RXRA: variants seen among roughly 807,000 people sequenced by gnomAD.
RXRA encodes the protein retinoic acid receptor RXR-alpha.
Under a neutral mutation model 44.5 loss-of-function variants are expected in RXRA, and 5 were observed. The observed-to-expected ratio is 0.11, with a 90% CI of 0.06 to 0.24. The LOEUF (loss-of-function observed/expected upper bound fraction) is 0.24, where lower values mean the gene tolerates loss of function less well. RXRA is among the 10% of genes least tolerant of loss of function. RXRA has a pLI of 1.00. For missense variants in RXRA, 412 were observed against 646.5 expected (o/e 0.64, Z 3.93); for synonymous variants, 291 against 271.4 (o/e 1.07, Z -0.71).
chr9:134,382,433 G>A (rs920332254), intron 1 of RXRA, among the ~76,000 whole-genome samples: 2 of 152,136 alleles, frequency 1.3e-5, no homozygotes, highest in East Asian at 1.9e-4. Context: ...GGGCTGGGGC[G>A]GGGCCAGGGC....
intron 1 of RXRA, among the ~76,000 whole-genome samples, chr9:134,381,423 TCTAA>T (rs1336380692): frequency 6.6e-6 from 1 of 152,086 alleles, no homozygotes; most frequent in African/African-American, 2.4e-5. Context: ...TGTTGGATCT[TCTAA>T]CTGTCTGAGC....
In RXRA at chr9:134,349,249, C is replaced by T. The variant is rs1175349448; in HGVS notation, c.28+22590C>T. Among the ~76,000 whole-genome samples, 1 of 151,988 alleles carries T rather than the reference C, an allele frequency of 6.6e-6. No homozygotes were observed. The highest frequency in any genetic ancestry group is 1.5e-5 in the Non-Finnish European group (1 of 68,036). ...CCAGCCTGGCCCCGAGCTCCCACTTCCTCATGCTGGGCACATGGGGAGCCC... is the reference window on the plus strand; with the variant it reads ...CCAGCCTGGCCCCGAGCTCCCACTTTCTCATGCTGGGCACATGGGGAGCCC... On this transcript the variant is annotated intron_variant, in intron 1 of 9. Coordinates refer to ENST00000481739, the MANE Select transcript of RXRA (RefSeq NM_002957.6). The surrounding 1 kb of genome is among the most constrained non-coding windows in gnomAD (Gnocchi z 4.3).
At chr9:134,346,536 T>C (rs1830154751) in intron 1 of RXRA, among the ~76,000 whole-genome samples, 1 of 152,144 alleles carries the variant, frequency 6.6e-6, no homozygotes, top group African/African-American at 2.4e-5. Context: ...TTGGGGGCTC[T>C]CGTTAATCTT....
At chr9:134,372,280 T>TGG (rs1359601848) in intron 1 of RXRA, 2 of 152,106 alleles carry the variant, frequency 1.3e-5, no homozygotes, top group Non-Finnish European at 2.9e-5. Context: ...ACGCGCCCAC[T>TGG]GGGGAGGTGG....
intron 6 of RXRA, chr9:134,422,197 C>G: frequency 7.8e-7 from 1 of 1,285,830 alleles, no homozygotes; most frequent in Non-Finnish European, 1.0e-6. Context: ...CTTCCCCCTC[C>G]AGGGACACAC....
chr9:134,379,658 C>T (rs1267056389), intron 1 of RXRA: 3 of 985,234 alleles, frequency 3.0e-6, no homozygotes, highest in East Asian at 1.1e-4. Flanking sequence ...CCCCACCCTG[C>T]GGTCCTGGGA....
Position 134,438,007 on chromosome 9 carries a change from C to T in RXRA, c.*1393C>T, listed in dbSNP as rs35027349. The T allele has an allele frequency of 0.01, 1,582 of 152,730 alleles. 14 individuals are homozygous for T. The highest frequency in any genetic ancestry group is 0.03 in the Middle Eastern group (9 of 296). The allele number at this position is 152,730 out of a possible 1,614,324, so 9.5% of individuals were successfully genotyped here. On this transcript the variant is annotated 3_prime_UTR_variant, in exon 10 of 10. Coordinates refer to ENST00000481739, the MANE Select transcript of RXRA (RefSeq NM_002957.6). Reference sequence around the variant, plus strand: ...TCCCGCAGGCTCTGCCCCCGGGCTCCGGTGGTGCGGGGCCCTCTCAGGTTG... The same window carrying T: ...TCCCGCAGGCTCTGCCCCCGGGCTCTGGTGGTGCGGGGCCCTCTCAGGTTG...
At chr9:134,396,553 G>A (rs901906605) in intron 1 of RXRA, among the ~76,000 whole-genome samples, 4 of 152,060 alleles carry the variant, frequency 2.6e-5, no homozygotes, top group Admixed American at 1.3e-4. Flanking sequence ...TTGCAGGGAC[G>A]TTGCAGGGAC....
chr9:134,434,282 A>G, intron 9 of RXRA, 75 bp downstream of exon 9: 2 of 1,086,876 alleles, frequency 1.8e-6, no homozygotes, highest in Non-Finnish European at 2.8e-6. Flanking sequence ...CTGCAAGGCC[A>G]TTTTATGTGA....
At chr9:134,326,764 C>T (rs1248187839) in intron 1 of RXRA, 105 bp downstream of exon 1, 1 of 224,380 alleles carries the variant, frequency 4.5e-6, no homozygotes, top group Non-Finnish European at 7.2e-6. Context: ...GTCGCCGGCC[C>T]GGGCCCCGCT....
chr9:134,416,263 G>A (rs1588298953), intron 4 of RXRA, among the ~76,000 whole-genome samples: 1 of 152,326 alleles, frequency 6.6e-6, no homozygotes, highest in East Asian at 1.9e-4. Context: ...AGCTGGGGGC[G>A]GGAGGAGCCT....
At chr9:134,327,424 C>G (rs952913443) in intron 1 of RXRA, among the ~76,000 whole-genome samples, 37 of 152,150 alleles carry the variant, frequency 2.4e-4, no homozygotes, top group Non-Finnish European at 4.1e-4. Context: ...CCAGACCTAC[C>G]GAGAAGGGGG....
At chr9:134,428,634 C>T (rs918528210) in intron 6 of RXRA, among the ~76,000 whole-genome samples, 16 of 152,172 alleles carry the variant, frequency 1.1e-4, no homozygotes, top group African/African-American at 3.4e-4. Context: ...GGAATCCCCC[C>T]GAAAGAGGCT....
rs539946932 is a variant in RXRA, at chr9:134,342,115, C to T, written c.28+15456C>T. ...GAGGCGTCTCCCTGAAGGCGCTCTG[C>T]TGGGCCCGGGGTGGGGGCTCTCGTG... On this transcript the variant is annotated intron_variant, in intron 1 of 9. Coordinates refer to ENST00000481739, the MANE Select transcript of RXRA (RefSeq NM_002957.6). This position sits in a 1 kb window ranked among gnomAD's most constrained non-coding sequence, Gnocchi z 4.4. 1.3e-5 allele frequency among the ~76,000 whole-genome samples: 2 copies of T among 152,282 alleles called. No individual in the cohort carries two copies. Among genetic ancestry groups the T allele is most frequent in the Admixed American group, 1.3e-4 (2 of 15,300 alleles).
At chr9:134,379,562 G>T (rs34133915) in intron 1 of RXRA, 277 of 985,484 alleles carry the variant, frequency 2.8e-4, no homozygotes, top group South Asian at 5.2e-4. Context: ...TCGGCCTCAT[G>T]GGGGGCTTGC....
In RXRA at chr9:134,336,552, C is replaced by T. The variant is rs547110944; in HGVS notation, c.28+9893C>T. ...AAGTGTGCCGCTGTGCCCCTGTGGC[C>T]GGCCGGAGCCTTGGTGGATGTCGCT... is the stretch of plus-strand genomic sequence containing the variant. On this transcript the variant is annotated intron_variant, in intron 1 of 9. Transcript: ENST00000481739. Among the ~76,000 whole-genome samples the T allele has an allele frequency of 3.9e-5, 6 of 152,290 alleles. No individual in the cohort carries two copies. The East Asian group carries it at 7.7e-4, about 20-fold the overall frequency.
intron 7 of RXRA, among the ~76,000 whole-genome samples, chr9:134,430,905 G>C (rs906916249): frequency 6.6e-6 from 1 of 152,222 alleles, no homozygotes; most frequent in Non-Finnish European, 1.5e-5. Context: ...CAGTGGCCCA[G>C]GTCTTTTCCA....
chr9:134,391,378 C>T (rs184568999), intron 1 of RXRA, among the ~76,000 whole-genome samples: 9 of 147,324 alleles, frequency 6.1e-5, no homozygotes, highest in African/African-American at 1.8e-4. Flanking sequence ...CTGCTGGCAG[C>T]GGTGGCAGGG....
chr9:134,339,705 CTG>C (rs1158686845), intron 1 of RXRA, among the ~76,000 whole-genome samples: 37 of 130,826 alleles, frequency 2.8e-4, no homozygotes, highest in African/African-American at 9.1e-4. Flanking sequence ...GTGTGTGTGC[CTG>C]TGTGTGTTTG....
Sources: gnomAD v4.1 joint callset for allele counts (sites outside exome capture counted in the v4.1 genomes callset) on GRCh38, gnomAD v4.1.1 for gene constraint, Gnocchi (gnomAD v3.1) non-coding constraint, MANE v1.5 for transcripts, NCBI Gene and HGNC (gene_info 2026-07-23, HGNC 2026-07-21) for gene names.